OTOGL: variants seen among roughly 807,000 people sequenced by gnomAD.
OTOGL encodes the protein otogelin like, also known as otogelin-like protein.
Under a neutral mutation model 318.5 loss-of-function variants are expected in OTOGL, and 285 were observed. That is an observed-to-expected ratio of 0.89 (90% CI 0.81 to 0.99). OTOGL has a LOEUF of 0.99. OTOGL is among the 50% of genes least tolerant of loss of function. OTOGL has a pLI of 0.00. For synonymous variants in OTOGL, 987 were observed against 936.5 expected (o/e 1.05, Z -0.99); for missense variants, 2,899 against 2,845.6 (o/e 1.02, Z -0.43).
chr12:80,103,303 G>C, intron 1 of OTOGL: 1 of 1,591,580 alleles, frequency 6.3e-7, no homozygotes, highest in Non-Finnish European at 8.6e-7. Flanking sequence ...TTCTTGCTTC[G>C]GTCGGAAGTC....
Position 80,336,127 on chromosome 12 carries a change from G to A in OTOGL, c.4587G>A (p.Glu1529=), listed in dbSNP as rs1462206172. Residue 1529 remains glutamate (E), a synonymous_variant, in exon 39 of 59, where the codon GAG becomes GAA. Coordinates refer to ENST00000547103, the MANE Select transcript of OTOGL (RefSeq NM_001378609.3). ...TGAACAGTGATATCTGCTGCCCTGA[G>A]TGGGAATGTCCTTGTAAGTTTGCAT... ...VQVNSDICCP[E]WECPCRCSML... The A allele has an allele frequency of 6.3e-7, 1 of 1,592,456 alleles. No homozygotes were observed. The highest frequency in any genetic ancestry group is 1.3e-5 in the African/African-American group (1 of 74,416).
chr12:80,264,393 C>T (rs918252696), intron 19 of OTOGL, among the ~76,000 whole-genome samples: 1 of 152,110 alleles, frequency 6.6e-6, no homozygotes, highest in African/African-American at 2.4e-5. Flanking sequence ...TACCCTAATC[C>T]CCAATTTCTA....
intron 35 of OTOGL, among the ~76,000 whole-genome samples, chr12:80,327,102 ATAAT>A (rs1214465160): frequency 6.6e-6 from 1 of 152,232 alleles, no homozygotes; most frequent in African/African-American, 2.4e-5. Context: ...TAGTAATATA[ATAAT>A]TAGAGTTGGT....
intron 23 of OTOGL, among the ~76,000 whole-genome samples, chr12:80,270,837 A>G (rs974777849): frequency 1.3e-5 from 2 of 152,166 alleles, no homozygotes; most frequent in African/African-American, 4.8e-5. Context: ...CTCAGTTACT[A>G]TGGGCAAATT....
At chr12:80,138,530 G>A (rs1290803719) in intron 1 of OTOGL, among the ~76,000 whole-genome samples, 2 of 152,140 alleles carry the variant, frequency 1.3e-5, no homozygotes, top group African/African-American at 4.8e-5. Flanking sequence ...GAGAGTGAGG[G>A]ATTTTTTTCA....
chr12:80,254,592 A>G, intron 15 of OTOGL, 22 bp downstream of exon 15: 1 of 1,588,808 alleles, frequency 6.3e-7, no homozygotes, highest in Non-Finnish European at 8.6e-7. Flanking sequence ...AAATGTTTTT[A>G]TAGAGAATGT....
chr12:80,357,528 T>C (rs1278062425), intron 49 of OTOGL, among the ~76,000 whole-genome samples: 4 of 152,168 alleles, frequency 2.6e-5, no homozygotes, highest in Admixed American at 2.6e-4. Flanking sequence ...GTGGCAAAAC[T>C]GATGGATTCT....
intron 1 of OTOGL, among the ~76,000 whole-genome samples, chr12:80,117,748 C>T (rs1870253479): frequency 6.6e-6 from 1 of 152,196 alleles, no homozygotes; most frequent in South Asian, 2.1e-4. Flanking sequence ...GTTTTGTTAG[C>T]ATCCGTATAC....
At position 80,164,587 on chromosome 12, in the gene OTOGL, C is replaced by T. The variant is rs1389480288; in HGVS notation, c.-19-44826C>T. On this transcript the variant is annotated intron_variant, in intron 1 of 58. Coordinates refer to ENST00000547103, the MANE Select transcript of OTOGL (RefSeq NM_001378609.3). ...TCTCTAAGGTAGGTAATAATGGCCA[C>T]ATGTTCATTTCTGACTGTTTCATGG... Among the ~76,000 whole-genome samples the T allele has an allele frequency of 2.0e-5, 3 of 152,154 alleles. No individual in the cohort carries two copies. In the East Asian group the frequency reaches 5.8e-4, roughly 29 times the overall value.
chr12:80,228,084 G>A (rs1326188584), intron 7 of OTOGL, among the ~76,000 whole-genome samples: 1 of 152,070 alleles, frequency 6.6e-6, no homozygotes, highest in Non-Finnish European at 1.5e-5. Flanking sequence ...CATAATAAAT[G>A]ATCAATACAA....
chr12:80,235,477 A>C (rs1014365618), intron 9 of OTOGL, among the ~76,000 whole-genome samples: 1 of 151,730 alleles, frequency 6.6e-6, no homozygotes, highest in Non-Finnish European at 1.5e-5. Context: ...CAAAAAAAAA[A>C]AAAAAAAAAA....
intron 1 of OTOGL, among the ~76,000 whole-genome samples, chr12:80,106,887 C>T (rs1869487504): frequency 6.6e-6 from 1 of 150,710 alleles, no homozygotes; most frequent in Non-Finnish European, 1.5e-5. Context: ...TAAATTAGTA[C>T]TATGTTTTTG....
At chr12:80,339,294 G>GTATTT in intron 43 of OTOGL, 30 bp downstream of exon 43, 1 of 578,542 alleles carries the variant, frequency 1.7e-6, no homozygotes, top group Non-Finnish European at 2.5e-6. Context: ...TCTTGATTTC[G>GTATTT]TCTGTTTTTT....
At chr12:80,125,423 T>G (rs1870761831) in intron 1 of OTOGL, among the ~76,000 whole-genome samples, 1 of 152,370 alleles carries the variant, frequency 6.6e-6, no homozygotes, top group Non-Finnish European at 1.5e-5. Flanking sequence ...TTTGATGTGC[T>G]GCTGGATTCA....
intron 44 of OTOGL, among the ~76,000 whole-genome samples, chr12:80,342,860 A>G (rs924333858): frequency 6.6e-6 from 1 of 151,978 alleles, no homozygotes; most frequent in African/African-American, 2.4e-5. Flanking sequence ...TTTGGAGAAG[A>G]CTTTATGGAG....
chr12:80,187,810 C>T (rs1875397136), intron 1 of OTOGL, among the ~76,000 whole-genome samples: 1 of 152,158 alleles, frequency 6.6e-6, no homozygotes, highest in African/African-American at 2.4e-5. Context: ...GTGTCAGATA[C>T]AAGCTTGGCA....
intron 18 of OTOGL, among the ~76,000 whole-genome samples, chr12:80,260,377 T>C (rs1882428036): frequency 6.6e-6 from 1 of 152,130 alleles, no homozygotes; most frequent in African/African-American, 2.4e-5. Context: ...TTAATCCTGT[T>C]TTCTCTTCTT....
At chr12:80,178,563 C>T (rs929459465) in intron 1 of OTOGL, among the ~76,000 whole-genome samples, 11 of 152,130 alleles carry the variant, frequency 7.2e-5, no homozygotes, top group Non-Finnish European at 1.0e-4. Flanking sequence ...GTCTCCTTAA[C>T]TTAGAGAGAT....
Position 80,268,412 on chromosome 12 carries a change from G to A in OTOGL, c.2465+1085G>A, listed in dbSNP as rs1401700726. On this transcript the variant is annotated intron_variant, in intron 22 of 58. Coordinates refer to ENST00000547103, the MANE Select transcript of OTOGL (RefSeq NM_001378609.3). Reference sequence around the variant, plus strand: ...AAGGAACCTGATACTAAAGCTGGGAGTTAGTCCCAGGCAACCTGGCTCGGC... The same window carrying A: ...AAGGAACCTGATACTAAAGCTGGGAATTAGTCCCAGGCAACCTGGCTCGGC... Among the ~76,000 whole-genome samples, 6 of 152,162 alleles carry A rather than the reference G, an allele frequency of 3.9e-5. No homozygotes were observed. In the East Asian group the frequency reaches 1.2e-3, roughly 29 times the overall value.
Sources: allele counts gnomAD v4.1 joint callset (sites outside exome capture counted in the v4.1 genomes callset), GRCh38; gene constraint gnomAD v4.1.1; transcripts MANE v1.5; gene names NCBI Gene and HGNC (gene_info 2026-07-23, HGNC 2026-07-21).